The following DOCK3 variants were observed in gnomAD, a reference collection of about 807,000 sequenced individuals.
The protein encoded by DOCK3 is dedicator of cytokinesis protein 3.
Under a neutral mutation model 265.6 loss-of-function variants are expected in DOCK3, and 60 were observed. That is an observed-to-expected ratio of 0.23 (90% CI 0.18 to 0.28). DOCK3 has a LOEUF of 0.28. Ranked by LOEUF, DOCK3 falls within the 10% of genes least tolerant of loss-of-function variation. The pLI, the probability that DOCK3 is intolerant of heterozygous loss-of-function variation, is 1.00. For missense variants in DOCK3, 1,981 were observed against 2,594.3 expected (o/e 0.76, Z 5.14); for synonymous variants, 881 against 938.0 (o/e 0.94, Z 1.11).
At chr3:50,958,659 A>G (rs528174086) in intron 5 of DOCK3, among the ~76,000 whole-genome samples, 134 of 152,322 alleles carry the variant, frequency 8.8e-4, no homozygotes, top group African/African-American at 3.1e-3. Context: ...TTCGTTTAAC[A>G]AATATTGAAT....
At chr3:50,777,345 T>G (rs1195517139) in intron 1 of DOCK3, among the ~76,000 whole-genome samples, 2 of 152,194 alleles carry the variant, frequency 1.3e-5, no homozygotes, top group African/African-American at 4.8e-5. Context: ...CCCTGTAGTA[T>G]AATTCAAAGT....
Position 50,868,262 on chromosome 3 carries a change from C to T in DOCK3, c.163-21764C>T, listed in dbSNP as rs976288449. 3.3e-5 allele frequency among the ~76,000 whole-genome samples: 5 copies of T among 152,132 alleles called. No individual in the cohort carries two copies. In the South Asian group the frequency reaches 1.0e-3, roughly 32 times the overall value. On this transcript the variant is annotated intron_variant, in intron 3 of 52. Transcript: ENST00000266037. The stretch of plus-strand genomic sequence containing the variant: ...CTAATTTTTGTATTTTTAGTAGAGA[C>T]AGGGTTTCACCATGTTGGCCAGGAT...
chr3:50,722,278 CAG>C (rs771829604), intron 1 of DOCK3, among the ~76,000 whole-genome samples: 1 of 151,790 alleles, frequency 6.6e-6, no homozygotes, highest in Admixed American at 6.6e-5. Flanking sequence ...CTGTGTAAAT[CAG>C]AGAGAGAGAG....
At chr3:51,170,448 C>A (rs549223998) in intron 12 of DOCK3, among the ~76,000 whole-genome samples, 1 of 151,556 alleles carries the variant, frequency 6.6e-6, no homozygotes, top group Admixed American at 6.6e-5. Flanking sequence ...TTTTTTTATT[C>A]TTTATGATTC....
chr3:51,076,998 G>C (rs954562299), intron 7 of DOCK3, among the ~76,000 whole-genome samples: 27 of 152,108 alleles, frequency 1.8e-4, no homozygotes, highest in African/African-American at 6.3e-4. Context: ...TCTGAAAGAA[G>C]CATGAGAGTG....
intron 19 of DOCK3, among the ~76,000 whole-genome samples, chr3:51,230,670 C>T (rs563349978): frequency 1.3e-5 from 2 of 152,214 alleles, no homozygotes; most frequent in African/African-American, 4.8e-5. Flanking sequence ...GCGCGTGCCA[C>T]CACGCCCAGC....
At chr3:51,267,515 G>T (rs1458556369) in intron 23 of DOCK3, among the ~76,000 whole-genome samples, 1 of 151,444 alleles carries the variant, frequency 6.6e-6, no homozygotes, top group African/African-American at 2.4e-5. Context: ...CTCCTGACTA[G>T]CTGGGATTAC....
chr3:50,790,948 C>A (rs1333347420), intron 2 of DOCK3, among the ~76,000 whole-genome samples: 1 of 22,086 alleles, frequency 4.5e-5, no homozygotes, highest in South Asian at 7.2e-3. Context: ...CCTTTGCCCA[C>A]TTTTTAATGT....
intron 7 of DOCK3, among the ~76,000 whole-genome samples, chr3:51,085,184 C>CT (rs752792447): frequency 1.1e-4 from 17 of 152,170 alleles, no homozygotes; most frequent in Non-Finnish European, 2.1e-4. Flanking sequence ...TAAGCAAATA[C>CT]TATCAGAGCA....
At chr3:51,116,216 C>T (rs1424939364) in intron 9 of DOCK3, among the ~76,000 whole-genome samples, 1 of 151,908 alleles carries the variant, frequency 6.6e-6, no homozygotes, top group African/African-American at 2.4e-5. Flanking sequence ...CTTTGGGAGG[C>T]CAAGGTGGGC....
chr3:51,225,830 T>A (rs1252240740), intron 15 of DOCK3, 57 bp downstream of exon 15: 2 of 1,557,804 alleles, frequency 1.3e-6, no homozygotes, highest in African/African-American at 2.7e-5. Context: ...TAATTCTCTG[T>A]GGACTTTATC....
intron 9 of DOCK3, among the ~76,000 whole-genome samples, chr3:51,104,656 C>T (rs2083209010): frequency 6.6e-6 from 1 of 152,158 alleles, no homozygotes; most frequent in Non-Finnish European, 1.5e-5. Flanking sequence ...TCTGCTTTTG[C>T]TTTTAAGTAA....
intron 5 of DOCK3, among the ~76,000 whole-genome samples, chr3:50,994,449 G>GT (rs1161611903): frequency 3.3e-5 from 5 of 152,188 alleles, no homozygotes; most frequent in African/African-American, 9.6e-5. Flanking sequence ...AGTGATGGCA[G>GT]TAAGATTTCA....
chr3:51,353,057 C>T (rs1332251294), intron 40 of DOCK3, among the ~76,000 whole-genome samples: 1 of 152,190 alleles, frequency 6.6e-6, no homozygotes, highest in Non-Finnish European at 1.5e-5. Context: ...ATCCAACCCT[C>T]CCTTCTTGAG....
intron 5 of DOCK3, among the ~76,000 whole-genome samples, chr3:51,009,356 G>C (rs36174390): frequency 0.018 from 2,747 of 152,248 alleles, 45 homozygotes; most frequent in Non-Finnish European, 0.026. Flanking sequence ...GAGGATGTAT[G>C]TGTCCAGGAA....
chr3:50,873,422 C>T (rs2047532363), intron 3 of DOCK3, among the ~76,000 whole-genome samples: 1 of 152,160 alleles, frequency 6.6e-6, no homozygotes, highest in Admixed American at 6.5e-5. Context: ...TCCAAGATGC[C>T]AGACAAAGTC....
chr3:51,163,366 T>A (rs1208627555), intron 12 of DOCK3, among the ~76,000 whole-genome samples: 1 of 151,292 alleles, frequency 6.6e-6, no homozygotes, highest in African/African-American at 2.4e-5. Context: ...TTCACTTGTG[T>A]ATGGGAAGGC....
intron 3 of DOCK3, among the ~76,000 whole-genome samples, chr3:50,887,816 C>G (rs1005860235): frequency 6.7e-6 from 1 of 149,032 alleles, no homozygotes; most frequent in Non-Finnish European, 1.5e-5. Flanking sequence ...ATTCTACACC[C>G]CTTTAGGCTA....
At chr3:51,048,339 C>A (rs2080854686) in intron 5 of DOCK3, among the ~76,000 whole-genome samples, 1 of 152,108 alleles carries the variant, frequency 6.6e-6, no homozygotes, top group Admixed American at 6.6e-5. Flanking sequence ...AGGATGCCTA[C>A]CCTTGCCACT....
Sources: gnomAD v4.1 joint callset for allele counts (sites outside exome capture counted in the v4.1 genomes callset) on GRCh38, gnomAD v4.1.1 for gene constraint, MANE v1.5 for transcripts, NCBI Gene and HGNC (gene_info 2026-07-23, HGNC 2026-07-21) for gene names.